SH3BGRL2: variants seen among roughly 807,000 people sequenced by gnomAD.
SH3BGRL2 encodes SH3 domain binding glutamate rich protein like 2.
Under a neutral mutation model 14.8 loss-of-function variants are expected in SH3BGRL2, and 21 were observed. The ratio of observed to expected loss-of-function variants is 1.42; its 90% CI spans 1.01 to 2.05. The LOEUF is 2.05. Among genes scored for constraint, SH3BGRL2 ranks in the 30% most tolerant of loss-of-function variants. The probability of loss-of-function intolerance (pLI) is 0.00; values close to 1 mark genes in which losing one functional copy is unlikely to be tolerated. For missense variants in SH3BGRL2, 147 were observed against 130.8 expected, an observed-to-expected ratio of 1.12 and a Z score of -0.61; for synonymous variants, 50 against 47.8, an observed-to-expected ratio of 1.05 and a Z score of -0.19.
chr6:79,581,931 G>A, the SH3BGRL2 span, among the ~76,000 whole-genome samples: 9 of 152,138 alleles, frequency 5.9e-5, no homozygotes, highest in African/African-American at 1.7e-4. Context: ...AGCAACTTCA[G>A]CAAAGTCTCA....
chr6:79,699,664 A>C lies in SH3BGRL2; in HGVS notation c.*155A>C, dbSNP rs1770413482. The C allele has an allele frequency of 9.4e-7, 1 of 1,063,312 alleles. No homozygotes were observed. Among genetic ancestry groups the C allele is most frequent in the African/African-American group, 1.6e-5 (1 of 62,304 alleles). The allele number at this position is 1,063,312 out of a possible 1,614,324, so 65.9% of individuals were successfully genotyped here. The stretch of plus-strand genomic sequence containing the variant: ...AGGTGTTTTTGAAAGATGTGGCTAT[A>C]ATGAGAATTGCATGATTGCTTTAAA... On this transcript the variant is annotated 3_prime_UTR_variant, in exon 4 of 4. Transcript: ENST00000369838.
chr6:79,598,293 A>G, the SH3BGRL2 span, among the ~76,000 whole-genome samples: 150 of 152,316 alleles, frequency 9.8e-4, no homozygotes, highest in Middle Eastern at 3.4e-3. Context: ...TATGTACATG[A>G]ACGTTCATGG....
chr6:79,572,326 CA>C, the SH3BGRL2 span, among the ~76,000 whole-genome samples: 1 of 152,120 alleles, frequency 6.6e-6, no homozygotes, highest in Non-Finnish European at 1.5e-5. Flanking sequence ...GTAGTAATAT[CA>C]ATTTATTTAC....
the SH3BGRL2 span, among the ~76,000 whole-genome samples, chr6:79,596,160 G>T: frequency 6.6e-6 from 1 of 152,112 alleles, no homozygotes; most frequent in African/African-American, 2.4e-5. Flanking sequence ...AACCTTCTGG[G>T]TTTTTTGGTG....
chr6:79,578,191 G>T, the SH3BGRL2 span, among the ~76,000 whole-genome samples: 2 of 152,260 alleles, frequency 1.3e-5, no homozygotes, highest in Non-Finnish European at 2.9e-5. Flanking sequence ...TGTGGGCAGG[G>T]CATAGCTGAA....
the SH3BGRL2 span, among the ~76,000 whole-genome samples, chr6:79,577,937 G>A: frequency 1.3e-5 from 2 of 152,238 alleles, no homozygotes; most frequent in Non-Finnish European, 2.9e-5. Flanking sequence ...CTTTTCCCAA[G>A]GTCTTAGCAA....
chr6:79,551,043 A>T, the SH3BGRL2 span, among the ~76,000 whole-genome samples: 1 of 152,220 alleles, frequency 6.6e-6, no homozygotes, highest in African/African-American at 2.4e-5. Context: ...ACTATGGGGA[A>T]AGCTAAATAA....
At chr6:79,631,567 G>C in intron 1 of SH3BGRL2, 61 bp downstream of exon 1, 2 of 1,303,304 alleles carry the variant, frequency 1.5e-6, no homozygotes, top group Non-Finnish European at 2.0e-6. Context: ...TGCGGGAGGC[G>C]CGCGGCGCTC....
At chr6:79,554,332 A>AG in the SH3BGRL2 span, among the ~76,000 whole-genome samples, 1 of 152,212 alleles carries the variant, frequency 6.6e-6, no homozygotes, top group African/African-American at 2.4e-5. Flanking sequence ...TCCAGGGGGT[A>AG]GGGGTGACAT....
chr6:79,650,880 G>A (rs1410368967), intron 1 of SH3BGRL2, among the ~76,000 whole-genome samples: 3 of 148,542 alleles, frequency 2.0e-5, no homozygotes, highest in Admixed American at 6.7e-5. Flanking sequence ...AATTATATAA[G>A]GATAAATAAT....
At chr6:79,554,921 C>G in the SH3BGRL2 span, among the ~76,000 whole-genome samples, 8 of 146,928 alleles carry the variant, frequency 5.4e-5, no homozygotes, top group Admixed American at 3.5e-4. Context: ...ATTATATGCA[C>G]AAATATTATT....
chr6:79,699,531 G>A lies in SH3BGRL2; in HGVS notation c.*22G>A, dbSNP rs767119870. 2.7e-5 allele frequency: 42 copies of A among 1,533,114 alleles called. No individual in the cohort carries two copies. The highest frequency in any genetic ancestry group is 1.8e-4 in the Middle Eastern group (1 of 5,662). The allele number at this position is 1,533,114 out of a possible 1,614,324, so 95.0% of individuals were successfully genotyped here. On this transcript the variant is annotated 3_prime_UTR_variant, in exon 4 of 4. Coordinates refer to ENST00000369838, the MANE Select transcript of SH3BGRL2 (RefSeq NM_031469.4). ...TTAGAGAAGAAGAGTGGAAGATGAC[G>A]GAGATGCATTTTGAAGCACCCCTGG...
the SH3BGRL2 span, among the ~76,000 whole-genome samples, chr6:79,618,433 C>T: frequency 1.2e-3 from 184 of 152,318 alleles, 1 homozygote; most frequent in East Asian, 9.8e-3. Context: ...TTGGGCCAGG[C>T]GCCGTGGCTC....
In SH3BGRL2 at chr6:79,698,363, A is replaced by G. The variant is rs1411077822; in HGVS notation, c.313-1135A>G. Among the ~76,000 whole-genome samples, 4 of 152,242 alleles carry G rather than the reference A, an allele frequency of 2.6e-5. No individual in the cohort carries two copies. In the East Asian group the frequency reaches 5.8e-4, roughly 22 times the overall value. On this transcript the variant is annotated intron_variant, in intron 3 of 3. Coordinates refer to ENST00000369838, the MANE Select transcript of SH3BGRL2 (RefSeq NM_031469.4). ...TTTTACCTTGGTAGTGATTCATCAT[A>G]CAGTCTATAGTCTAAGGCTTTGACA... is the stretch of plus-strand genomic sequence containing the variant.
chr6:79,685,862 C>G (rs1306291610), intron 2 of SH3BGRL2, among the ~76,000 whole-genome samples: 1 of 152,304 alleles, frequency 6.6e-6, no homozygotes, highest in South Asian at 2.1e-4. Flanking sequence ...ATTTCTTCCA[C>G]TTCACACTTG....
At chr6:79,672,986 G>A (rs915670105) in intron 1 of SH3BGRL2, among the ~76,000 whole-genome samples, 48 of 152,310 alleles carry the variant, frequency 3.2e-4, no homozygotes, top group Non-Finnish European at 6.0e-4. Flanking sequence ...AGTGGCTACA[G>A]CTGTGGAATT....
chr6:79,695,696 T>A (rs1770317240), intron 2 of SH3BGRL2, among the ~76,000 whole-genome samples: 1 of 152,196 alleles, frequency 6.6e-6, no homozygotes, highest in Non-Finnish European at 1.5e-5. Flanking sequence ...TAACATAACA[T>A]TTATAAGACA....
chr6:79,673,549 T>C, intron 1 of SH3BGRL2, 65 bp from the exon 2 acceptor site: 1 of 1,491,774 alleles, frequency 6.7e-7, no homozygotes, highest in Non-Finnish European at 9.2e-7. Flanking sequence ...CTAGTTCAGT[T>C]TGGAAGTATA....
chr6:79,610,441 G>A, the SH3BGRL2 span, among the ~76,000 whole-genome samples: 1 of 152,202 alleles, frequency 6.6e-6, no homozygotes, highest in Admixed American at 6.5e-5. Context: ...AGCTGCACCT[G>A]TGCCTGCCTT....
Sources: gnomAD v4.1 joint callset for allele counts (sites outside exome capture counted in the v4.1 genomes callset) on GRCh38, gnomAD v4.1.1 for gene constraint, MANE v1.5 for transcripts, NCBI Gene and HGNC (gene_info 2026-07-23, HGNC 2026-07-21) for gene names.